Variants in ABCC1 observed in about 807,000 individuals in gnomAD.
ABCC1 encodes multidrug resistance-associated protein 1.
A neutral mutation model predicts 172.9 loss-of-function variants in ABCC1; 83 were observed. The ratio of observed to expected loss-of-function variants is 0.48; its 90% CI spans 0.40 to 0.58. The LOEUF (loss-of-function observed/expected upper bound fraction) is 0.58, where lower values mean the gene tolerates loss of function less well. ABCC1 is among the 20% of genes least tolerant of loss of function. ABCC1 has a pLI of 0.00. For missense variants in ABCC1, 1,817 were observed against 2,002.7 expected (o/e 0.91, Z 1.77); for synonymous variants, 937 against 825.2 (o/e 1.14, Z -2.32).
intron 6 of ABCC1, among the ~76,000 whole-genome samples, chr16:16,034,929 A>ATG (rs568302402): frequency 2.6e-5 from 4 of 151,848 alleles, no homozygotes; most frequent in South Asian, 2.1e-4. Flanking sequence ...ATGTGTTTGC[A>ATG]TGTGTGTGTG....
At chr16:15,972,255 C>A (rs1374186681) in intron 1 of ABCC1, among the ~76,000 whole-genome samples, 1 of 152,160 alleles carries the variant, frequency 6.6e-6, no homozygotes, top group African/African-American at 2.4e-5. Context: ...TCATTTGAGT[C>A]TAGTCTTCAG....
At chr16:16,029,560 G>A (rs1163872010) in intron 5 of ABCC1, among the ~76,000 whole-genome samples, 2 of 152,256 alleles carry the variant, frequency 1.3e-5, no homozygotes, top group Admixed American at 6.5e-5. Context: ...ATAGGTGAAC[G>A]TTTTAATATG....
chr16:16,139,399 G>A (rs1306069776), intron 30 of ABCC1, among the ~76,000 whole-genome samples: 1 of 151,992 alleles, frequency 6.6e-6, no homozygotes, highest in African/African-American at 2.4e-5. Context: ...ATCACCTGAG[G>A]TCGATAGTTT....
At chr16:16,106,188 T>G (rs2052091521) in intron 20 of ABCC1, among the ~76,000 whole-genome samples, 3 of 152,020 alleles carry the variant, frequency 2.0e-5, no homozygotes, top group Admixed American at 1.3e-4. Flanking sequence ...AATAATGCTT[T>G]CTGAGTAACA....
intron 5 of ABCC1, among the ~76,000 whole-genome samples, chr16:16,031,873 G>A (rs1292504648): frequency 6.6e-6 from 1 of 152,178 alleles, no homozygotes; most frequent in Non-Finnish European, 1.5e-5. Flanking sequence ...ATCATTTGAT[G>A]CATGTCTCTC....
chr16:16,052,896 C>G, intron 11 of ABCC1, 80 bp downstream of exon 11: 1 of 1,390,084 alleles, frequency 7.2e-7, no homozygotes. Context: ...CCAGTTCCTT[C>G]TGCTCTGTCC....
chr16:16,029,077 C>G (rs1016717192), intron 5 of ABCC1, among the ~76,000 whole-genome samples: 2 of 152,198 alleles, frequency 1.3e-5, no homozygotes, highest in Non-Finnish European at 2.9e-5. Context: ...CTGGGAACTT[C>G]ATCACCCCTC....
chr16:16,030,560 G>T (rs1300573706), intron 5 of ABCC1, among the ~76,000 whole-genome samples: 1 of 151,964 alleles, frequency 6.6e-6, no homozygotes, highest in Admixed American at 6.6e-5. Context: ...TGCTTGGTAT[G>T]TTTCAGCCTG....
At chr16:16,001,369 C>T (rs557088496) in intron 1 of ABCC1, among the ~76,000 whole-genome samples, 3 of 152,074 alleles carry the variant, frequency 2.0e-5, no homozygotes, top group Non-Finnish European at 4.4e-5. Flanking sequence ...CCCGCCACCA[C>T]GCCCGGCTAA....
At chr16:16,034,421 G>C (rs1016775862) in intron 6 of ABCC1, among the ~76,000 whole-genome samples, 2 of 152,098 alleles carry the variant, frequency 1.3e-5, no homozygotes, top group African/African-American at 2.4e-5. Flanking sequence ...TGGGACAGTT[G>C]ATGTAATTTG....
At chr16:16,054,624 G>A (rs1279151537) in intron 11 of ABCC1, among the ~76,000 whole-genome samples, 3 of 151,998 alleles carry the variant, frequency 2.0e-5, no homozygotes, top group African/African-American at 7.3e-5. Context: ...GTGAGGCAGG[G>A]GCTTTAGGAT....
At chr16:16,126,437 G>A (rs2045439494) in intron 26 of ABCC1, among the ~76,000 whole-genome samples, 1 of 152,164 alleles carries the variant, frequency 6.6e-6, no homozygotes, top group Admixed American at 6.6e-5. Context: ...AGGCTGGAGT[G>A]CAGTGGCACA....
chr16:15,953,728 T>C (rs779952368), intron 1 of ABCC1, among the ~76,000 whole-genome samples: 1 of 152,070 alleles, frequency 6.6e-6, no homozygotes, highest in East Asian at 1.9e-4. Flanking sequence ...GGTCCCAGGG[T>C]TGATGTGCAC....
chr16:16,027,011 G>C (rs922636916), intron 5 of ABCC1, among the ~76,000 whole-genome samples: 2 of 152,114 alleles, frequency 1.3e-5, no homozygotes, highest in South Asian at 4.1e-4. Context: ...TGGGGACTTA[G>C]TTTTACTGGG....
At position 16,083,841 on chromosome 16, in the gene ABCC1, A is replaced by G. The variant is rs77432574; in HGVS notation, c.2292+299A>G. Among the ~76,000 whole-genome samples the G allele has an allele frequency of 4.3e-3, 654 of 152,258 alleles. 1 individual carries two copies. The highest frequency in any genetic ancestry group is 0.013 in the African/African-American group (525 of 41,562). Reference sequence around the variant, plus strand: ...AGATAGGCCCCCCAGAAAGCATGCAATGTCCCTTAAAGTACACTGTCCCTT... The same window carrying G: ...AGATAGGCCCCCCAGAAAGCATGCAGTGTCCCTTAAAGTACACTGTCCCTT... On this transcript the variant is annotated intron_variant, in intron 17 of 30. Transcript: ENST00000399410.
At chr16:16,096,764 C>G (rs1596492371) in intron 19 of ABCC1, among the ~76,000 whole-genome samples, 1 of 152,318 alleles carries the variant, frequency 6.6e-6, no homozygotes, top group South Asian at 2.1e-4. Context: ...AGTGAGAGGA[C>G]TGGCAACGGA....
At chr16:16,005,841 C>T (rs2047510283) in intron 1 of ABCC1, among the ~76,000 whole-genome samples, 1 of 151,906 alleles carries the variant, frequency 6.6e-6, no homozygotes, top group Non-Finnish European at 1.5e-5. Flanking sequence ...GCAGTCCCAG[C>T]TATTTAGGAG....
intron 13 of ABCC1, among the ~76,000 whole-genome samples, chr16:16,071,094 T>A (rs1322484248): frequency 6.6e-6 from 1 of 152,004 alleles, no homozygotes; most frequent in African/African-American, 2.4e-5. Flanking sequence ...TTTATTTATT[T>A]ATTTTTTGAA....
intron 27 of ABCC1, among the ~76,000 whole-genome samples, chr16:16,132,287 G>A (rs149866141): frequency 4.7e-4 from 71 of 151,868 alleles, no homozygotes; most frequent in Non-Finnish European, 8.2e-4. Flanking sequence ...CCTCCCAAGT[G>A]GGGGGACTAC....
Sources: allele counts gnomAD v4.1 joint callset (sites outside exome capture counted in the v4.1 genomes callset), GRCh38; gene constraint gnomAD v4.1.1; transcripts MANE v1.5; gene names NCBI Gene and HGNC (gene_info 2026-07-23, HGNC 2026-07-21).